The following SAE1 variants were observed in gnomAD, a reference collection of about 807,000 sequenced individuals.
The protein encoded by SAE1 is SUMO-activating enzyme subunit 1.
Under a neutral mutation model 40.6 loss-of-function variants are expected in SAE1, and 11 were observed. That is an observed-to-expected ratio of 0.27 (90% confidence interval 0.17 to 0.45). The LOEUF (loss-of-function observed/expected upper bound fraction) is 0.45. SAE1 is among the 20% of genes least tolerant of loss of function. The probability of loss-of-function intolerance (pLI) is 1.00; values close to 1 mark genes in which losing one functional copy is unlikely to be tolerated. For missense variants in SAE1, 373 were observed against 427.3 expected (o/e 0.87, Z 1.12); for synonymous variants, 155 against 154.3 (o/e 1.00, Z -0.03).
intron 6 of SAE1, among the ~76,000 whole-genome samples, chr19:47,194,458 A>G (rs753605012): frequency 6.6e-6 from 1 of 152,204 alleles, no homozygotes; most frequent in African/African-American, 2.4e-5. Flanking sequence ...TTCAATCAAC[A>G]TATACGGAAG....
At chr19:47,195,736 C>CTTTTT (rs56268362) in intron 6 of SAE1, among the ~76,000 whole-genome samples, 2 of 93,144 alleles carry the variant, frequency 2.1e-5, no homozygotes, top group Admixed American at 1.3e-4. Context: ...TTTTTTTCTT[C>CTTTTT]TTTTTTTTTT....
At chr19:47,153,185 C>A in intron 4 of SAE1, 145 bp downstream of exon 4, 1 of 675,270 alleles carries the variant, frequency 1.5e-6, no homozygotes, top group Non-Finnish European at 2.2e-6. Context: ...TCAAGTGATC[C>A]TCCCACCTTG....
rs139606633 is a variant in SAE1 at position 47,149,840 on chromosome 19, G to A, written c.211-362G>A. Among the ~76,000 whole-genome samples, 646 of 152,228 alleles carry A rather than the reference G, an allele frequency of 4.2e-3. 6 individuals are homozygous for A. Among genetic ancestry groups the A allele is most frequent in the African/African-American group, 0.015 (612 of 41,530 alleles). Reference sequence around the variant, plus strand: ...TGCCTGTAATCTCAGCACTTTGGGAGGCTGAGGCAGGCGGATCACGAGGTC... The same window carrying A: ...TGCCTGTAATCTCAGCACTTTGGGAAGCTGAGGCAGGCGGATCACGAGGTC... On this transcript the variant is annotated intron_variant, in intron 2 of 8. Transcript: ENST00000270225.
chr19:47,171,947 T>C (rs1277058769), intron 6 of SAE1, among the ~76,000 whole-genome samples: 1 of 151,698 alleles, frequency 6.6e-6, no homozygotes, highest in Non-Finnish European at 1.5e-5. Flanking sequence ...TGAGACGGAG[T>C]CTCACTCTGT....
intron 4 of SAE1, among the ~76,000 whole-genome samples, chr19:47,154,898 C>G (rs916226652): frequency 6.6e-6 from 1 of 152,272 alleles, no homozygotes; most frequent in East Asian, 1.9e-4. Context: ...GAGCAACTTA[C>G]GCTGCTCTGT....
chr19:47,152,759 C>A, intron 3 of SAE1, 139 bp from the exon 4 acceptor site: 1 of 708,886 alleles, frequency 1.4e-6, no homozygotes, highest in Non-Finnish European at 2.2e-6. Flanking sequence ...AGCCATAGGG[C>A]CCAAAGAACC....
chr19:47,198,682 A>C (rs1245902500), intron 7 of SAE1, among the ~76,000 whole-genome samples: 2 of 152,144 alleles, frequency 1.3e-5, no homozygotes, highest in Non-Finnish European at 2.9e-5. Context: ...CAGAGTCCCT[A>C]GTCCTTTCTT....
At chr19:47,203,114 G>A (rs1201117319) in intron 7 of SAE1, among the ~76,000 whole-genome samples, 3 of 152,156 alleles carry the variant, frequency 2.0e-5, no homozygotes, top group Non-Finnish European at 4.4e-5. Context: ...ACTTGGAGGG[G>A]CAGGTGACTG....
intron 6 of SAE1, among the ~76,000 whole-genome samples, chr19:47,189,032 A>G (rs2058562123): frequency 6.6e-6 from 1 of 152,158 alleles, no homozygotes; most frequent in Non-Finnish European, 1.5e-5. Context: ...AGGGTAGACC[A>G]TCCATTCTGC....
intron 2 of SAE1, among the ~76,000 whole-genome samples, chr19:47,144,592 G>A (rs1353837622): frequency 2.6e-5 from 4 of 151,738 alleles, no homozygotes; most frequent in South Asian, 2.1e-4. Flanking sequence ...CCAGCTACTC[G>A]GGAGGCTGAG....
rs1412196078 is a variant in SAE1, at chr19:47,202,407, C to T, written c.879-1264C>T. Among the ~76,000 whole-genome samples the T allele has an allele frequency of 5.3e-5, 8 of 152,054 alleles. No homozygotes were observed. In the East Asian group the frequency reaches 5.9e-4, roughly 11 times the overall value. On this transcript the variant is annotated intron_variant, in intron 7 of 8. Coordinates refer to ENST00000270225, the MANE Select transcript of SAE1 (RefSeq NM_005500.3). Reference sequence around the variant, plus strand: ...GGTTCAAGCGATTCTCCTGCCTCAACCTCCTGAGTAGCTGGGACTACAGGC... The same window carrying T: ...GGTTCAAGCGATTCTCCTGCCTCAATCTCCTGAGTAGCTGGGACTACAGGC...
At chr19:47,138,681 A>T (rs544397314) in intron 1 of SAE1, among the ~76,000 whole-genome samples, 1 of 152,196 alleles carries the variant, frequency 6.6e-6, no homozygotes, top group East Asian at 1.9e-4. Context: ...GGGGGCAGTA[A>T]ACATATAAAC....
At chr19:47,149,521 A>G (rs901245058) in intron 2 of SAE1, among the ~76,000 whole-genome samples, 9 of 152,062 alleles carry the variant, frequency 5.9e-5, no homozygotes, top group Non-Finnish European at 4.4e-5. Flanking sequence ...AATCCTTTAA[A>G]CTACTTGTGT....
At chr19:47,157,715 C>T (rs1600167426) in intron 5 of SAE1, among the ~76,000 whole-genome samples, 1 of 152,298 alleles carries the variant, frequency 6.6e-6, no homozygotes, top group Admixed American at 6.5e-5. Context: ...CTACGTGGAG[C>T]TGAGCTGGAA....
intron 2 of SAE1, among the ~76,000 whole-genome samples, chr19:47,148,654 G>A (rs1464293919): frequency 6.9e-6 from 1 of 145,028 alleles, no homozygotes; most frequent in Non-Finnish European, 1.5e-5. Flanking sequence ...TCACTCTGTT[G>A]CCCAGGCTGG....
chr19:47,154,990 G>T, intron 4 of SAE1, 124 bp from the exon 5 acceptor site: 1 of 672,790 alleles, frequency 1.5e-6, no homozygotes, highest in Non-Finnish European at 2.7e-6. Context: ...TTTGAACCGA[G>T]ATCTGACTCC....
chr19:47,149,334 C>T (rs1432686204), intron 2 of SAE1, among the ~76,000 whole-genome samples: 1 of 151,740 alleles, frequency 6.6e-6, no homozygotes, highest in African/African-American at 2.4e-5. Context: ...CCACACCTGG[C>T]TTATTTTTGT....
chr19:47,136,797 G>A (rs767406836), intron 1 of SAE1, among the ~76,000 whole-genome samples: 8 of 152,128 alleles, frequency 5.3e-5, no homozygotes, highest in Non-Finnish European at 8.8e-5. Context: ...GCCTTCACCT[G>A]AGTCTTATAG....
intron 1 of SAE1, among the ~76,000 whole-genome samples, chr19:47,137,736 T>G (rs1046426419): frequency 1.3e-5 from 2 of 150,312 alleles, no homozygotes; most frequent in Non-Finnish European, 1.5e-5. Context: ...TGTTGTTTTT[T>G]TTTTTTTTTT....
Sources: gnomAD v4.1 joint callset for allele counts (sites outside exome capture counted in the v4.1 genomes callset) on GRCh38, gnomAD v4.1.1 for gene constraint, MANE v1.5 for transcripts, NCBI Gene and HGNC (gene_info 2026-07-23, HGNC 2026-07-21) for gene names.